Variants in NRP1 observed in about 807,000 individuals in gnomAD.
NRP1 encodes the protein neuropilin 1.
Under a neutral mutation model 106.7 loss-of-function variants are expected in NRP1, and 35 were observed. That is an observed-to-expected ratio of 0.33 (90% CI 0.25 to 0.43). The LOEUF (loss-of-function observed/expected upper bound fraction) is 0.43, where lower values mean the gene tolerates loss of function less well. NRP1 is among the 20% of genes least tolerant of loss of function. NRP1 has a pLI of 1.00. For missense variants in NRP1, 1,024 were observed against 1,170.4 expected, an observed-to-expected ratio of 0.87 and a Z score of 1.83; for synonymous variants, 437 against 417.9, an observed-to-expected ratio of 1.05 and a Z score of -0.56.
intron 6 of NRP1, among the ~76,000 whole-genome samples, chr10:33,230,647 C>T (rs183056574): frequency 6.3e-4 from 95 of 150,630 alleles, no homozygotes; most frequent in African/African-American, 2.2e-3. Flanking sequence ...GTATGTATCT[C>T]CTAGTCACTT....
At chr10:33,201,254 C>G (rs1837281373) in intron 11 of NRP1, 1 of 152,156 alleles carries the variant, frequency 6.6e-6, no homozygotes, top group African/African-American at 2.4e-5. Flanking sequence ...TCAATTGATT[C>G]AGTCATGAAC....
At chr10:33,314,213 A>C (rs1846844396) in intron 2 of NRP1, among the ~76,000 whole-genome samples, 1 of 151,954 alleles carries the variant, frequency 6.6e-6, no homozygotes, top group Admixed American at 6.6e-5. Context: ...CAGCCTCCCG[A>C]GTAACTAAGA....
At chr10:33,295,083 G>A (rs965433454) in intron 2 of NRP1, among the ~76,000 whole-genome samples, 1 of 152,064 alleles carries the variant, frequency 6.6e-6, no homozygotes, top group Non-Finnish European at 1.5e-5. Flanking sequence ...ACCCATTGTG[G>A]AGCACCTAGA....
intron 6 of NRP1, among the ~76,000 whole-genome samples, chr10:33,232,248 T>C (rs1840197176): frequency 6.6e-6 from 1 of 152,212 alleles, no homozygotes. Flanking sequence ...ACTTCCTTTC[T>C]TTCCATAAAA....
intron 2 of NRP1, among the ~76,000 whole-genome samples, chr10:33,299,768 A>G (rs190448281): frequency 1.6e-4 from 24 of 152,318 alleles, no homozygotes; most frequent in Admixed American, 1.3e-3. Flanking sequence ...ACTGCATGAC[A>G]GAGAGAGACC....
intron 6 of NRP1, among the ~76,000 whole-genome samples, chr10:33,239,169 T>C (rs578110146): frequency 2.0e-5 from 3 of 151,934 alleles, no homozygotes; most frequent in Admixed American, 2.0e-4. Context: ...CATGCTCCTG[T>C]AGTCCAGCTA....
chr10:33,252,130 T>C (rs918766720), intron 6 of NRP1, among the ~76,000 whole-genome samples: 4 of 152,130 alleles, frequency 2.6e-5, no homozygotes, highest in African/African-American at 9.7e-5. Flanking sequence ...CACAAGTGGC[T>C]GATCGTCGAG....
intron 10 of NRP1, among the ~76,000 whole-genome samples, chr10:33,203,753 A>G (rs1165834418): frequency 4.4e-5 from 1 of 22,950 alleles, no homozygotes; most frequent in African/African-American, 1.5e-4. Flanking sequence ...TTTTTTTTTG[A>G]GACGGAGTCT....
chr10:33,208,073 C>T (rs1158128275), intron 9 of NRP1, among the ~76,000 whole-genome samples: 1 of 152,100 alleles, frequency 6.6e-6, no homozygotes, highest in Non-Finnish European at 1.5e-5. Flanking sequence ...CTACAGGCAC[C>T]CGCCACCATG....
intron 3 of NRP1, among the ~76,000 whole-genome samples, chr10:33,268,461 A>G (rs1843075966): frequency 6.6e-6 from 1 of 152,240 alleles, no homozygotes; most frequent in Non-Finnish European, 1.5e-5. Context: ...AAGAAGACAA[A>G]GAACAAAAGA....
intron 10 of NRP1, among the ~76,000 whole-genome samples, chr10:33,203,780 C>CCGGACTG (rs1837543213): frequency 8.6e-6 from 1 of 116,580 alleles, no homozygotes; most frequent in Non-Finnish European, 1.7e-5. Flanking sequence ...GTCGCCCAGG[C>CCGGACTG]CGGACTGCGG....
At chr10:33,244,483 A>G (rs1258314332) in intron 6 of NRP1, among the ~76,000 whole-genome samples, 1 of 152,204 alleles carries the variant, frequency 6.6e-6, no homozygotes, top group African/African-American at 2.4e-5. Context: ...CAATTGTATA[A>G]TAACAGAAGT....
chr10:33,182,285 G>A (rs1564359527), intron 16 of NRP1, among the ~76,000 whole-genome samples: 1 of 152,100 alleles, frequency 6.6e-6, no homozygotes, highest in African/African-American at 2.4e-5. Flanking sequence ...GATCCTAGCT[G>A]GATATCAACA....
chr10:33,306,155 AT>A (rs920218794), intron 2 of NRP1, among the ~76,000 whole-genome samples: 2 of 152,014 alleles, frequency 1.3e-5, no homozygotes, highest in East Asian at 1.9e-4. Context: ...GGCTAAATCC[AT>A]TTTTCCCCCC....
chr10:33,214,925 G>A (rs1340378058), intron 8 of NRP1, among the ~76,000 whole-genome samples: 4 of 152,248 alleles, frequency 2.6e-5, no homozygotes, highest in East Asian at 1.9e-4. Context: ...TACTTAATGC[G>A]ACAGAATTGT....
At chr10:33,252,478 G>A in intron 6 of NRP1, among the ~76,000 whole-genome samples, 1 of 152,102 alleles carries the variant, frequency 6.6e-6, no homozygotes, top group East Asian at 1.9e-4. Context: ...AGACACTGCC[G>A]TGGGGTCGAA....
At chr10:33,208,436 C>T (rs1837998237) in intron 9 of NRP1, among the ~76,000 whole-genome samples, 1 of 152,220 alleles carries the variant, frequency 6.6e-6, no homozygotes, top group Non-Finnish European at 1.5e-5. Flanking sequence ...ACTGCCAGTG[C>T]TGCTGCTGGC....
chr10:33,189,748 T>C (rs537278621), intron 13 of NRP1, among the ~76,000 whole-genome samples: 3 of 152,314 alleles, frequency 2.0e-5, no homozygotes, highest in Non-Finnish European at 4.4e-5. Flanking sequence ...TTCATTTTCT[T>C]TTTAAACAAC....
chr10:33,188,938 A>ATATATATATATATATAT (rs1836221591), intron 13 of NRP1, among the ~76,000 whole-genome samples: 1 of 91,730 alleles, frequency 1.1e-5, no homozygotes, highest in Non-Finnish European at 2.1e-5. Context: ...TATATATATA[A>ATATATATATATATATAT]ATTAAAACTG....
Sources: allele counts gnomAD v4.1 joint callset (sites outside exome capture counted in the v4.1 genomes callset), GRCh38; gene constraint gnomAD v4.1.1; transcripts MANE v1.5; gene names NCBI Gene and HGNC (gene_info 2026-07-23, HGNC 2026-07-21).